F13A1: variants seen among roughly 807,000 people sequenced by gnomAD.
F13A1 encodes the protein coagulation factor XIII A chain.
A neutral mutation model predicts 80.1 loss-of-function variants in F13A1; 47 were observed. That is an observed-to-expected ratio of 0.59 (90% CI 0.46 to 0.75). F13A1 has a LOEUF of 0.75. F13A1 is among the 30% of genes least tolerant of loss of function. The probability of loss-of-function intolerance (pLI) is 0.00; values close to 1 mark genes in which losing one functional copy is unlikely to be tolerated. For missense variants in F13A1, 817 were observed against 930.4 expected (o/e 0.88, Z 1.59); for synonymous variants, 349 against 344.9 (o/e 1.01, Z -0.13).
chr6:6,313,986 C>CTTTTTTTT lies in F13A1; in HGVS notation c.130+4541_130+4548dup, dbSNP rs10690734. ...TCCTGTTCTCCATTTTCTCCTTACT[C>CTTTTTTTT]TTTTTTTTTTTTGAAACGGAGTCTT... On this transcript the variant is annotated intron_variant, in intron 2 of 14. Coordinates refer to ENST00000264870, the MANE Select transcript of F13A1 (RefSeq NM_000129.4). 7.0e-5 allele frequency among the ~76,000 whole-genome samples: 10 copies of CTTTTTTTT among 142,150 alleles called. 2 individuals are homozygous for CTTTTTTTT. The highest frequency in any genetic ancestry group is 2.2e-4 in the South Asian group (1 of 4,578). The allele number at this position is 142,150 out of a possible 152,430, so 93.3% of individuals were successfully genotyped here.
chr6:6,210,324 GATATATAT>G (rs34960466), intron 8 of F13A1, among the ~76,000 whole-genome samples: 1,176 of 82,880 alleles, frequency 0.014, 93 homozygotes, highest in African/African-American at 0.054. Flanking sequence ...TGTAGCATGT[GATATATAT>G]ATATATATAT....
rs1168435818 is a variant in F13A1 at position 6,144,707 on chromosome 6, C to T, written c.*912G>A. The stretch of plus-strand genomic sequence containing the variant: ...TCACTAGATCCGCCAGCTTCTTCAA[C>T]TTGTTGGGCTTATTATATCTCTGAA... On this transcript the variant is annotated 3_prime_UTR_variant, in exon 15 of 15. Transcript: ENST00000264870. 1 of 152,450 alleles carries T rather than the reference C, an allele frequency of 6.6e-6. No homozygotes were observed. The highest frequency in any genetic ancestry group is 1.5e-5 in the Non-Finnish European group (1 of 68,046). The allele number at this position is 152,450 out of a possible 1,614,324, so 9.4% of individuals were successfully genotyped here.
At chr6:6,265,378 C>G (rs1439278622) in intron 4 of F13A1, among the ~76,000 whole-genome samples, 1 of 152,136 alleles carries the variant, frequency 6.6e-6, no homozygotes, top group African/African-American at 2.4e-5. Context: ...TTCCTAGGAC[C>G]TAGAAGTGGT....
chr6:6,279,217 T>C (rs1001954450), intron 3 of F13A1, among the ~76,000 whole-genome samples: 8 of 152,190 alleles, frequency 5.3e-5, no homozygotes, highest in Non-Finnish European at 7.3e-5. Context: ...ATGACCATTG[T>C]TTCTAGGGCA....
intron 2 of F13A1, among the ~76,000 whole-genome samples, chr6:6,311,929 A>G (rs1431943997): frequency 1.4e-5 from 2 of 147,230 alleles, no homozygotes; most frequent in East Asian, 3.9e-4. Flanking sequence ...CATATATAAT[A>G]TATAGTTTTT....
chr6:6,276,805 C>T lies in F13A1; in HGVS notation c.320-9996G>A, dbSNP rs151259299. Among the ~76,000 whole-genome samples the T allele has an allele frequency of 7.9e-4, 120 of 152,196 alleles. 1 individual carries two copies. The highest frequency in any genetic ancestry group is 2.6e-3 in the African/African-American group (108 of 41,520). ...ATAAACTGAACAAATTATTATTCTC[C>T]GTATTATATGGTGTCTGATGGCTAT... On this transcript the variant is annotated intron_variant, in intron 3 of 14. Transcript: ENST00000264870.
At chr6:6,197,542 G>A (rs972249088) in intron 8 of F13A1, among the ~76,000 whole-genome samples, 3 of 152,122 alleles carry the variant, frequency 2.0e-5, no homozygotes. Context: ...GCTGGGTGTG[G>A]TGGCGGGTGC....
chr6:6,205,387 C>T (rs534620223), intron 8 of F13A1, among the ~76,000 whole-genome samples: 28 of 152,142 alleles, frequency 1.8e-4, no homozygotes, highest in Non-Finnish European at 3.7e-4. Context: ...TGCAACCCAT[C>T]GGAAAGGACA....
chr6:6,200,759 G>C (rs533270437), intron 8 of F13A1, among the ~76,000 whole-genome samples: 4 of 152,290 alleles, frequency 2.6e-5, no homozygotes, highest in Admixed American at 6.5e-5. Context: ...ATGAGGCTGA[G>C]AGCAACACCC....
chr6:6,304,974 C>A, intron 3 of F13A1: 1 of 345,172 alleles, frequency 2.9e-6, no homozygotes, highest in Non-Finnish European at 5.6e-6. Context: ...AATCAACTTT[C>A]GGAATGCATA....
chr6:6,180,146 G>A (rs1178826805), intron 11 of F13A1, among the ~76,000 whole-genome samples: 1 of 152,206 alleles, frequency 6.6e-6, no homozygotes, highest in African/African-American at 2.4e-5. Flanking sequence ...AAATACGAGA[G>A]TTCTCACCAC....
At chr6:6,269,319 G>T (rs1399568575) in intron 3 of F13A1, among the ~76,000 whole-genome samples, 1 of 152,032 alleles carries the variant, frequency 6.6e-6, no homozygotes, top group Non-Finnish European at 1.5e-5. Flanking sequence ...TGTTGTCCTG[G>T]GCTTTCTGAT....
chr6:6,201,300 A>T (rs1023107447), intron 8 of F13A1, among the ~76,000 whole-genome samples: 1 of 152,214 alleles, frequency 6.6e-6, no homozygotes, highest in African/African-American at 2.4e-5. Context: ...TTAGTTACAC[A>T]TGATCTCTTC....
chr6:6,248,544 T>C (rs1157257178), intron 5 of F13A1, 125 bp from the exon 6 acceptor site: 2 of 730,814 alleles, frequency 2.7e-6, no homozygotes, highest in African/African-American at 3.5e-5. Context: ...TATAGTGATC[T>C]CCCATAATCT....
At chr6:6,295,812 T>TCCTTGC (rs1368526364) in intron 3 of F13A1, among the ~76,000 whole-genome samples, 19 of 135,902 alleles carry the variant, frequency 1.4e-4, no homozygotes, top group Admixed American at 1.1e-3. Context: ...AGACATGAAG[T>TCCTTGC]CCTTGCCCAT....
At chr6:6,159,526 T>G (rs1282957922) in intron 13 of F13A1, among the ~76,000 whole-genome samples, 1 of 152,072 alleles carries the variant, frequency 6.6e-6, no homozygotes, top group Non-Finnish European at 1.5e-5. Context: ...CCCCCTTTTT[T>G]GGGGGGATGT....
At chr6:6,306,868 A>G (rs1478083010) in intron 2 of F13A1, among the ~76,000 whole-genome samples, 1 of 152,208 alleles carries the variant, frequency 6.6e-6, no homozygotes, top group Non-Finnish European at 1.5e-5. Flanking sequence ...CCTGTGCAGG[A>G]TGCCTGGTCC....
At chr6:6,261,329 G>A (rs1245083490) in intron 4 of F13A1, among the ~76,000 whole-genome samples, 2 of 152,086 alleles carry the variant, frequency 1.3e-5, no homozygotes, top group Admixed American at 6.5e-5. Context: ...ACAGGCTGGC[G>A]GGGCTGCCTC....
Position 6,240,801 on chromosome 6 carries a change from A to G in F13A1, c.798+7511T>C, listed in dbSNP as rs531175320. On this transcript the variant is annotated intron_variant, in intron 6 of 14. Coordinates refer to ENST00000264870, the MANE Select transcript of F13A1 (RefSeq NM_000129.4). The stretch of plus-strand genomic sequence containing the variant: ...GTATTGTTTACTTTGAATACATTAG[A>G]GAATTGCTTTGAGTCTGTACCTCTC... Among the ~76,000 whole-genome samples, 79 of 152,330 alleles carry G rather than the reference A, an allele frequency of 5.2e-4. No individual in the cohort carries two copies. In the South Asian group the frequency reaches 9.1e-3, roughly 18 times the overall value.
Sources: gnomAD v4.1 joint callset for allele counts (sites outside exome capture counted in the v4.1 genomes callset) on GRCh38, gnomAD v4.1.1 for gene constraint, MANE v1.5 for transcripts, NCBI Gene and HGNC (gene_info 2026-07-23, HGNC 2026-07-21) for gene names.